The following HECTD4 variants were observed in gnomAD, a reference collection of about 807,000 sequenced individuals.
HECTD4 encodes the protein HECT domain E3 ubiquitin protein ligase 4, also known as probable E3 ubiquitin-protein ligase HECTD4.
HECTD4 carries 114 observed loss-of-function variants against 471.5 expected under a neutral mutation model. The ratio of observed to expected loss-of-function variants is 0.24; its 90% CI spans 0.21 to 0.28. The LOEUF (loss-of-function observed/expected upper bound fraction) is 0.28, where lower values mean the gene tolerates loss of function less well. Among genes scored for constraint, HECTD4 ranks in the 10% least tolerant of loss-of-function variants. The pLI is 1.00. For missense variants in HECTD4, 3,866 were observed against 5,651.5 expected (o/e 0.68, Z 10.13); for synonymous variants, 2,012 against 2,256.0 (o/e 0.89, Z 3.07).
chr12:112,339,563 A>G (rs1387099515), intron 1 of HECTD4, among the ~76,000 whole-genome samples: 1 of 152,108 alleles, frequency 6.6e-6, no homozygotes, highest in East Asian at 1.9e-4. Flanking sequence ...ACTGGATGGT[A>G]GGATCACAGG....
rs915031885 is a variant in HECTD4, at chr12:112,188,132, CA to C, written c.9473-2640del. On this transcript the variant is annotated intron_variant, in intron 60 of 75. Transcript: ENST00000682272. The surrounding 1 kb of genome is among the most constrained non-coding windows in gnomAD (Gnocchi z 4.2). ...TGAAATCCTGTTTCTACTAAAAATA[CA>C]AAAAAATTAGCTGGGCATGGTAGCG... 6.6e-6 allele frequency among the ~76,000 whole-genome samples: 1 copy of C among 151,660 alleles called. No individual in the cohort carries two copies. Among genetic ancestry groups the C allele is most frequent in the African/African-American group, 2.4e-5 (1 of 41,328 alleles).
intron 1 of HECTD4, among the ~76,000 whole-genome samples, chr12:112,326,123 T>C (rs142424023): frequency 1.5e-3 from 221 of 152,248 alleles, no homozygotes; most frequent in Middle Eastern, 0.014. Context: ...AAACAGTCAT[T>C]CTGGAAAGTC....
intron 1 of HECTD4, among the ~76,000 whole-genome samples, chr12:112,358,902 G>C (rs573920835): frequency 6.6e-6 from 1 of 152,168 alleles, no homozygotes; most frequent in East Asian, 1.9e-4. Context: ...CCGGCCGGGC[G>C]CGGTGGCTCA....
At chr12:112,269,622 C>G (rs1305765474) in intron 13 of HECTD4, 82 bp downstream of exon 13, 2 of 1,458,256 alleles carry the variant, frequency 1.4e-6, no homozygotes, top group African/African-American at 2.8e-5. Context: ...GGCATTTATA[C>G]TACCAGCTTT....
intron 1 of HECTD4, among the ~76,000 whole-genome samples, chr12:112,339,105 A>G (rs892828777): frequency 2.0e-5 from 3 of 152,166 alleles, no homozygotes; most frequent in Non-Finnish European, 4.4e-5. Flanking sequence ...AAATTCTTGC[A>G]CATGAACACC....
chr12:112,327,657 G>A (rs1042356863), intron 1 of HECTD4, among the ~76,000 whole-genome samples: 3 of 152,092 alleles, frequency 2.0e-5, no homozygotes, highest in Non-Finnish European at 4.4e-5. Context: ...AAAAAGAAAA[G>A]CAGTCATAAC....
rs919291393 is a variant in HECTD4 at position 112,184,379 on chromosome 12, C to T, written c.10587G>A (p.Ala3529=). 6.2e-7 allele frequency: 1 copy of T among 1,610,516 alleles called. No homozygotes were observed. The highest frequency in any genetic ancestry group is 8.5e-7 in the Non-Finnish European group (1 of 1,179,100). The change falls in exon 61 of 76, where the codon GCG becomes GCA. Residue 3529 remains alanine (A), a synonymous_variant. Transcript: ENST00000682272. This position sits in a 1 kb window ranked among gnomAD's most constrained non-coding sequence, Gnocchi z 9.1. The stretch of plus-strand genomic sequence containing the variant: ...TGTCCAGGCTTTCCTGGCTGGACAC[C>T]GCGTGGGGCTCCAACAGGCCCGGAG... ...PIPPGLLEPH[A]VSSQESLDIS...
intron 1 of HECTD4, among the ~76,000 whole-genome samples, chr12:112,338,833 A>G (rs2036004220): frequency 6.6e-6 from 1 of 151,974 alleles, no homozygotes; most frequent in Non-Finnish European, 1.5e-5. Flanking sequence ...TGGGAGCAAG[A>G]GAGAGTTAGG....
At chr12:112,167,279 G>A (rs370893798) in intron 72 of HECTD4, 38 bp downstream of exon 72, 21 of 1,543,006 alleles carry the variant, frequency 1.4e-5, no homozygotes, top group African/African-American at 2.7e-5. Context: ...GGGAGGCCCC[G>A]GGTTCTGCAG....
Position 112,231,537 on chromosome 12 carries a change from C to T in HECTD4, c.6176G>A (p.Arg2059Gln), listed in dbSNP as rs1198044229. 4.3e-6 allele frequency: 7 copies of T among 1,613,910 alleles called. No individual in the cohort carries two copies. The highest frequency in any genetic ancestry group is 1.3e-5 in the African/African-American group (1 of 74,938). ...KKKTAQTSICRERNSELARTD... is the reference protein window; with the variant it reads ...KKKTAQTSICQERNSELARTD... ...CCTTGCAAGCTCCGAGTTCCTCTCT[C>T]GGCAAATGGAAGTTTGGGCAGTTTT... The change falls in exon 39 of 76, where the codon CGA becomes CAA. Residue 2059 changes from arginine to glutamine, a missense_variant. This residue lies in a region of HECTD4 where 617 missense variants were observed against 915.1 expected (regional missense o/e 0.67). Transcript: ENST00000682272.
In HECTD4 at chr12:112,275,866, T is replaced by C. The variant is rs906794052; in HGVS notation, c.1688-906A>G. Among the ~76,000 whole-genome samples the C allele has an allele frequency of 2.6e-5, 4 of 152,218 alleles. No homozygotes were observed. The East Asian group carries it at 7.7e-4, about 29-fold the overall frequency. ...ATAGACCTCCAAATCTCTTTTTTCA[T>C]GGTACTTAACCATACATATGCTTTC... On this transcript the variant is annotated intron_variant, in intron 9 of 75. Coordinates refer to ENST00000682272, the MANE Select transcript of HECTD4 (RefSeq NM_001388303.1).
intron 37 of HECTD4, among the ~76,000 whole-genome samples, chr12:112,234,651 G>C (rs915987361): frequency 2.0e-5 from 3 of 152,172 alleles, no homozygotes; most frequent in Non-Finnish European, 4.4e-5. Flanking sequence ...ATTTAAAAAA[G>C]TGTCTCTTGT....
chr12:112,270,127 A>G (rs1218888082), intron 12 of HECTD4, 100 bp downstream of exon 12: 2 of 1,028,918 alleles, frequency 1.9e-6, no homozygotes, highest in African/African-American at 1.6e-5. Flanking sequence ...AGAACAGGAA[A>G]ATCATTAAAT....
In HECTD4 at chr12:112,382,192, C is replaced by A; in HGVS notation, c.-64G>T. ...CGGCCGGGGGAAACGGAGCAGGAGCCGCCGCGATCACCAGTCCATGGCAGC... is the reference window on the plus strand; with the variant it reads ...CGGCCGGGGGAAACGGAGCAGGAGCAGCCGCGATCACCAGTCCATGGCAGC... On this transcript the variant is annotated 5_prime_UTR_variant, in exon 1 of 76. Coordinates refer to ENST00000682272, the MANE Select transcript of HECTD4 (RefSeq NM_001388303.1). The A allele has an allele frequency of 1.7e-6, 2 of 1,185,168 alleles. No individual in the cohort carries two copies. Among genetic ancestry groups the A allele is most frequent in the Non-Finnish European group, 2.1e-6 (2 of 951,378 alleles). 73.4% of individuals were successfully genotyped at this position (1,185,168 alleles called of 1,614,324 possible). A position where few individuals can be genotyped will look rare whatever the true frequency, so the allele number is the denominator to read the frequency against.
chr12:112,273,211 G>A (rs1375626263), intron 11 of HECTD4, among the ~76,000 whole-genome samples: 3 of 152,076 alleles, frequency 2.0e-5, no homozygotes, highest in African/African-American at 7.2e-5. Flanking sequence ...AAAGCCAAAA[G>A]ATTTTAATAT....
chr12:112,212,719 G>T (rs886344012), intron 48 of HECTD4, 69 bp from the exon 49 acceptor site: 13 of 1,342,058 alleles, frequency 9.7e-6, no homozygotes, highest in Non-Finnish European at 1.2e-5. Context: ...ATTTGCAACC[G>T]GAGTGTCACC....
At chr12:112,304,498 C>T (rs984076811) in intron 7 of HECTD4, among the ~76,000 whole-genome samples, 2 of 151,858 alleles carry the variant, frequency 1.3e-5, no homozygotes, top group East Asian at 1.9e-4. Context: ...GCAGGAGCAC[C>T]GTCATCTCAG....
chr12:112,205,620 C>T (rs2032556061), intron 52 of HECTD4, among the ~76,000 whole-genome samples: 1 of 151,382 alleles, frequency 6.6e-6, no homozygotes, highest in Non-Finnish European at 1.5e-5. Flanking sequence ...GAGACAGAGT[C>T]TTGCTCTGCC....
rs2032192847 is a variant in HECTD4 at position 112,195,008 on chromosome 12, T to C, written c.8626A>G (p.Asn2876Asp). 5 of 1,611,074 alleles carry C rather than the reference T, an allele frequency of 3.1e-6. No individual in the cohort carries two copies. Among genetic ancestry groups the C allele is most frequent in the Non-Finnish European group, 4.2e-6 (5 of 1,178,794 alleles). ...ARLYCRMALL[N>D]IFAPKLPHLF... is the part of the protein sequence containing the mutation. Reference sequence around the variant, plus strand: ...TGAGGCAACTTCGGGGCGAAGATATTGAGCAGGGCCATGCGGCAGTACAGC... The same window carrying C: ...TGAGGCAACTTCGGGGCGAAGATATCGAGCAGGGCCATGCGGCAGTACAGC... The change falls in exon 56 of 76, where the codon AAT (asparagine) becomes GAT (aspartate). Residue 2876 changes from asparagine to aspartate, a missense_variant. Asn to Asp is a conservative substitution (Grantham distance 23). Coordinates refer to ENST00000682272, the MANE Select transcript of HECTD4 (RefSeq NM_001388303.1).
Sources: gnomAD v4.1 joint callset for allele counts (sites outside exome capture counted in the v4.1 genomes callset) on GRCh38, gnomAD v4.1.1 for gene constraint, gnomAD v4.1.1 regional missense constraint, Gnocchi (gnomAD v3.1) non-coding constraint, MANE v1.5 for transcripts, NCBI Gene and HGNC (gene_info 2026-07-23, HGNC 2026-07-21) for gene names.